The following AGBL4 variants were observed in gnomAD, a reference collection of about 807,000 sequenced individuals.
AGBL4 encodes the protein cytosolic carboxypeptidase 6.
In AGBL4, 58 loss-of-function variants were observed where a neutral mutation model predicts 66.4. The ratio of observed to expected loss-of-function variants is 0.87; its 90% CI spans 0.71 to 1.09. The LOEUF is 1.09. Ranked by LOEUF, AGBL4 falls within the 50% of genes least tolerant of loss-of-function variation. The pLI, the probability that AGBL4 is intolerant of heterozygous loss-of-function variation, is 0.00. For synonymous variants in AGBL4, 234 were observed against 222.9 expected, an observed-to-expected ratio of 1.05 and a Z score of -0.44; for missense variants, 579 against 631.0, an observed-to-expected ratio of 0.92 and a Z score of 0.88.
chr1:48,728,109 G>A, intron 6 of AGBL4: 37 of 1,431,568 alleles, frequency 2.6e-5, no homozygotes, highest in South Asian at 1.2e-4. Flanking sequence ...TTTTAAGGAG[G>A]GTAAAAGAAA....
At chr1:49,714,841 G>A (rs1386143941) in intron 2 of AGBL4, among the ~76,000 whole-genome samples, 1 of 151,736 alleles carries the variant, frequency 6.6e-6, no homozygotes, top group African/African-American at 2.4e-5. Flanking sequence ...AATTCTTTGA[G>A]AAATCTCCAT....
intron 1 of AGBL4, among the ~76,000 whole-genome samples, chr1:50,000,037 A>C (rs1307510492): frequency 6.6e-6 from 1 of 152,204 alleles, no homozygotes; most frequent in East Asian, 1.9e-4. Context: ...CAAGGATCCA[A>C]AAGCAAATGC....
intron 3 of AGBL4, among the ~76,000 whole-genome samples, chr1:49,478,426 G>A (rs1204028128): frequency 1.3e-5 from 2 of 151,906 alleles, no homozygotes; most frequent in African/African-American, 2.4e-5. Flanking sequence ...TATAGGCCAG[G>A]AGAGAAGCAT....
intron 3 of AGBL4, among the ~76,000 whole-genome samples, chr1:49,543,405 G>T (rs1386799132): frequency 6.6e-6 from 1 of 151,974 alleles, no homozygotes; most frequent in Non-Finnish European, 1.5e-5. Context: ...AAAAGAAACA[G>T]GAAACTACAT....
chr1:49,724,490 T>C (rs1338517567), intron 2 of AGBL4, among the ~76,000 whole-genome samples: 6 of 152,158 alleles, frequency 3.9e-5, no homozygotes, highest in Non-Finnish European at 5.9e-5. Flanking sequence ...TCAAGTGTGA[T>C]GAGTGTTATA....
chr1:49,566,172 C>A (rs1644199188), intron 3 of AGBL4, among the ~76,000 whole-genome samples: 1 of 152,168 alleles, frequency 6.6e-6, no homozygotes, highest in Admixed American at 6.5e-5. Context: ...AAGGACTTCT[C>A]TGCATTGGTT....
chr1:49,044,263 C>T (rs1644020290), intron 5 of AGBL4, among the ~76,000 whole-genome samples: 3 of 152,026 alleles, frequency 2.0e-5, no homozygotes, highest in South Asian at 2.1e-4. Flanking sequence ...TTTGGGAGGC[C>T]GAGGCGGGTG....
chr1:48,698,955 T>A (rs1236208299), intron 6 of AGBL4, among the ~76,000 whole-genome samples: 2 of 152,196 alleles, frequency 1.3e-5, no homozygotes, highest in Non-Finnish European at 2.9e-5. Context: ...CCTCCCCACA[T>A]CTTTAAAACA....
chr1:49,979,533 A>T (rs1033700821), intron 1 of AGBL4, among the ~76,000 whole-genome samples: 7 of 152,180 alleles, frequency 4.6e-5, no homozygotes, highest in African/African-American at 1.7e-4. Context: ...AAAAAATGTA[A>T]GCAATTATAA....
chr1:48,744,802 G>T (rs4244633), intron 6 of AGBL4, among the ~76,000 whole-genome samples: 150,398 of 152,278 alleles, frequency 0.99, 74,293 homozygotes, highest in East Asian at 1. Flanking sequence ...CCTCTCTACC[G>T]CTAGGGTTCA....
chr1:48,767,431 A>G (rs1466631568), intron 6 of AGBL4, among the ~76,000 whole-genome samples: 1 of 152,212 alleles, frequency 6.6e-6, no homozygotes, highest in Non-Finnish European at 1.5e-5. Flanking sequence ...AGACTGAGAC[A>G]TGATGAAAGA....
At chr1:49,488,663 C>T (rs922191102) in intron 3 of AGBL4, among the ~76,000 whole-genome samples, 4 of 151,712 alleles carry the variant, frequency 2.6e-5, no homozygotes, top group Non-Finnish European at 4.4e-5. Context: ...TATATTTTTG[C>T]ACACATTAAC....
chr1:48,626,640 C>T (rs539810189), intron 9 of AGBL4, among the ~76,000 whole-genome samples: 72 of 151,920 alleles, frequency 4.7e-4, no homozygotes, highest in Non-Finnish European at 6.2e-4. Context: ...AGTAAAGTCC[C>T]GGAGAGGGTA....
chr1:49,426,238 C>T (rs1469693578), intron 3 of AGBL4, among the ~76,000 whole-genome samples: 5 of 152,126 alleles, frequency 3.3e-5, no homozygotes, highest in Admixed American at 3.3e-4. Flanking sequence ...AATGAAAAGT[C>T]ATTGGCCATG....
At chr1:49,539,291 T>G (rs1382952259) in intron 3 of AGBL4, among the ~76,000 whole-genome samples, 1 of 152,222 alleles carries the variant, frequency 6.6e-6, no homozygotes, top group Non-Finnish European at 1.5e-5. Flanking sequence ...TGTTTTTGCT[T>G]GTTTTTACTT....
At chr1:48,993,959 C>T (rs1168076206) in intron 5 of AGBL4, among the ~76,000 whole-genome samples, 1 of 152,186 alleles carries the variant, frequency 6.6e-6, no homozygotes, top group Non-Finnish European at 1.5e-5. Flanking sequence ...ACTGTGATTG[C>T]TCACCTAATT....
intron 3 of AGBL4, among the ~76,000 whole-genome samples, chr1:49,361,042 C>T (rs1183712283): frequency 6.6e-6 from 1 of 152,072 alleles, no homozygotes; most frequent in Non-Finnish European, 1.5e-5. Context: ...AGGTGATCTG[C>T]CCACCTCAGC....
rs918346665 is a variant in AGBL4, at chr1:49,061,918, G to T, written c.378-16118C>A. Among the ~76,000 whole-genome samples the T allele has an allele frequency of 2.0e-5, 3 of 152,100 alleles. 1 individual carries two copies. In the South Asian group the frequency reaches 6.2e-4, roughly 32 times the overall value. ...CAACACTTAACTCTCTAGAGCAGGG[G>T]TCCCCAACCCCTGGGGCCACGGACA... On this transcript the variant is annotated intron_variant, in intron 4 of 13. Coordinates refer to ENST00000371839, the MANE Select transcript of AGBL4 (RefSeq NM_032785.4).
chr1:48,832,915 T>C (rs922158478), intron 6 of AGBL4, among the ~76,000 whole-genome samples: 3 of 152,194 alleles, frequency 2.0e-5, no homozygotes, highest in Non-Finnish European at 4.4e-5. Context: ...TGGATAAGAA[T>C]TTACACCATC....
Sources: allele counts gnomAD v4.1 joint callset (sites outside exome capture counted in the v4.1 genomes callset), GRCh38; gene constraint gnomAD v4.1.1; transcripts MANE v1.5; gene names NCBI Gene and HGNC (gene_info 2026-07-23, HGNC 2026-07-21).